The following ZNF628 variants were observed in gnomAD, a reference collection of about 807,000 sequenced individuals.
ZNF628 encodes the protein zinc finger protein 628, also known as zinc finger protein Zec.
ZNF628 carries 3 observed loss-of-function variants against 2.5 expected under a neutral mutation model. The observed-to-expected ratio is 1.19, with a 90% confidence interval of 0.54 to 3.07. The LOEUF is 3.07. Among genes scored for constraint, ZNF628 ranks in the 30% most tolerant of loss-of-function variants. ZNF628 has a pLI of 0.03. For synonymous variants in ZNF628, 861 were observed against 717.1 expected (o/e 1.20, Z -3.21); for missense variants, 1,610 against 1,517.1 (o/e 1.06, Z -1.02).
Position 55,483,078 on chromosome 19 carries a change from C to A in ZNF628, c.1885C>A (p.Arg629Ser). 2 of 1,609,182 alleles carry A rather than the reference C, an allele frequency of 1.2e-6. No homozygotes were observed. Among genetic ancestry groups the A allele is most frequent in the Non-Finnish European group, 1.7e-6 (2 of 1,179,340 alleles). ...CCCCTTCACCTGCCCCATCTGCGGT[C>A]GCGGCTTCGTTATGGCCGCCTATCT... ...ERPFTCPICGRGFVMAAYLQR... is the reference protein window; with the variant it reads ...ERPFTCPICGSGFVMAAYLQR... The change falls in exon 3 of 3, where the codon CGC (arginine) becomes AGC (serine). Residue 629 changes from arginine (R) to serine (S), a missense_variant. Physicochemically the swap from Arg to Ser is moderately radical, Grantham distance 110. Transcript: ENST00000598519.
rs1986854616 is a variant in ZNF628 at position 55,484,431 on chromosome 19, G to A, written c.*58G>A. The A allele has an allele frequency of 7.2e-7, 1 of 1,381,666 alleles. No individual in the cohort carries two copies. The highest frequency in any genetic ancestry group is 1.6e-5 in the South Asian group (1 of 63,314). 85.6% of individuals were successfully genotyped at this position (1,381,666 alleles called of 1,614,324 possible). A position where few individuals can be genotyped will look rare whatever the true frequency, so the allele number is the denominator to read the frequency against. Reference sequence around the variant, plus strand: ...AGAGACCCCGACTCACTGCCAGCCGGGGCGGGGCAGGGTGCCGCAGGCTGG... The same window carrying A: ...AGAGACCCCGACTCACTGCCAGCCGAGGCGGGGCAGGGTGCCGCAGGCTGG... On this transcript the variant is annotated 3_prime_UTR_variant, in exon 3 of 3. Transcript: ENST00000598519.
At chr19:55,478,318 G>A (rs1232033282) in intron 1 of ZNF628, among the ~76,000 whole-genome samples, 2 of 152,226 alleles carry the variant, frequency 1.3e-5, no homozygotes, top group African/African-American at 2.4e-5. Context: ...AAATAGGGCT[G>A]TCAGGGAAGC....
chr19:55,483,652 T>A lies in ZNF628; in HGVS notation c.2459T>A (p.Leu820His). The change falls in exon 3 of 3, where the codon CTC becomes CAC. Residue 820 changes from leucine (L) to histidine (H), a missense_variant. Leu to His is a moderately conservative substitution (Grantham distance 99). This residue lies in a region of ZNF628 where 712 missense variants were observed against 603.6 expected (regional missense o/e 1.18). Coordinates refer to ENST00000598519, the MANE Select transcript of ZNF628 (RefSeq NM_033113.3). The part of the protein sequence containing the change: ...AGPQEMSGVQ[L>H]QPLRPAPEVT... ...CCACAGGAAATGAGTGGGGTGCAGCTCCAGCCCCTCCGACCAGCCCCAGAA... is the reference window on the plus strand; with the variant it reads ...CCACAGGAAATGAGTGGGGTGCAGCACCAGCCCCTCCGACCAGCCCCAGAA... 6.2e-7 allele frequency: 1 copy of A among 1,613,476 alleles called. No individual in the cohort carries two copies. Among genetic ancestry groups the A allele is most frequent in the Non-Finnish European group, 8.5e-7 (1 of 1,179,792 alleles).
chr19:55,483,406 C>T lies in ZNF628; in HGVS notation c.2213C>T (p.Ala738Val). 6.5e-7 allele frequency: 1 copy of T among 1,530,802 alleles called. No homozygotes were observed. Among genetic ancestry groups the T allele is most frequent in the African/African-American group, 1.4e-5 (1 of 72,966 alleles). The allele number at this position is 1,530,802 out of a possible 1,614,324, so 94.8% of individuals were successfully genotyped here. A position where few individuals can be genotyped will look rare whatever the true frequency, so the allele number is the denominator to read the frequency against. ...CCCCCTACACCTCCGCCCCCTCCCG[C>T]ACCTCCCAAGCTCATCCTGCTGCCC... is the stretch of plus-strand genomic sequence containing the variant. The part of the protein sequence containing the change: ...VQPPTPPPPP[A>V]PPKLILLPSS... Residue 738 changes from alanine to valine, a missense_variant, in exon 3 of 3, where the codon GCA becomes GTA. By Grantham distance (64) the Ala-to-Val change is moderately conservative (BLOSUM62 0). Transcript: ENST00000598519.
chr19:55,482,117 G>T lies in ZNF628; in HGVS notation c.924G>T (p.Glu308Asp). The change falls in exon 3 of 3, where the codon GAG (glutamate) becomes GAT (aspartate). Residue 308 changes from glutamate to aspartate, a missense_variant. Transcript: ENST00000598519. Reference protein sequence around the residue: ...DGCEQGFSSEELLLEHQPCPG... With the variant: ...DGCEQGFSSEDLLLEHQPCPG... The stretch of plus-strand genomic sequence containing the variant: ...GCGAGCAGGGATTCAGCAGCGAGGA[G>T]CTGCTCCTGGAGCACCAGCCGTGCC... 1 of 1,508,512 alleles carries T rather than the reference G, an allele frequency of 6.6e-7. No individual in the cohort carries two copies. Among genetic ancestry groups the T allele is most frequent in the Non-Finnish European group, 8.8e-7 (1 of 1,130,914 alleles). The allele number at this position is 1,508,512 out of a possible 1,614,324, so 93.4% of individuals were successfully genotyped here. A position where few individuals can be genotyped will look rare whatever the true frequency, so the allele number is the denominator to read the frequency against.
In ZNF628 at chr19:55,482,819, G is replaced by T; in HGVS notation, c.1626G>T (p.Glu542Asp). The T allele has an allele frequency of 6.2e-7, 1 of 1,610,978 alleles. No individual in the cohort carries two copies. Among genetic ancestry groups the T allele is most frequent in the Non-Finnish European group, 8.5e-7 (1 of 1,178,520 alleles). ...GCGAGCGGCCCTACGCCTGCGGGGA[G>T]TGTGGCAAGGCCTTCCGCAACACGT... ...HSGERPYACG[E>D]CGKAFRNTSC... The change falls in exon 3 of 3, where the codon GAG becomes GAT. Residue 542 changes from glutamate to aspartate, a missense_variant. Glu to Asp is a conservative substitution (Grantham distance 45). Around this residue, in one of 5 missense-constraint regions of ZNF628, gnomAD observed 651 missense variants for 575.6 expected, o/e 1.13. Coordinates refer to ENST00000598519, the MANE Select transcript of ZNF628 (RefSeq NM_033113.3).
Position 55,482,232 on chromosome 19 carries a change from C to A in ZNF628, c.1039C>A (p.Pro347Thr), listed in dbSNP as rs1986737211. The A allele has an allele frequency of 6.9e-7, 1 of 1,447,330 alleles. No individual in the cohort carries two copies. The highest frequency in any genetic ancestry group is 3.0e-5 in the East Asian group (1 of 33,060). The allele number at this position is 1,447,330 out of a possible 1,614,324, so 89.7% of individuals were successfully genotyped here. A position where few individuals can be genotyped will look rare whatever the true frequency, so the allele number is the denominator to read the frequency against. The change falls in exon 3 of 3, where the codon CCT becomes ACT. Residue 347 changes from proline (P) to threonine (T), a missense_variant. This residue lies in a region of ZNF628 where 651 missense variants were observed against 575.6 expected (regional missense o/e 1.13). Transcript: ENST00000598519. ...ACCGTCCCCTCTGCCGCAGCCCCCT[C>A]CTCCCGCCGCCGCCCCCGCGCCTGG... ...QPPSPLPQPP[P>T]PAAAPAPGFA...
intron 1 of ZNF628, among the ~76,000 whole-genome samples, chr19:55,477,092 C>T (rs537772700): frequency 6.6e-6 from 1 of 152,200 alleles, no homozygotes; most frequent in African/African-American, 2.4e-5. Context: ...GACCGTTTCC[C>T]AGACATTGAA....
In ZNF628 at chr19:55,483,979, C is replaced by A; in HGVS notation, c.2786C>A (p.Thr929Lys). 1 of 1,576,532 alleles carries A rather than the reference C, an allele frequency of 6.3e-7. No individual in the cohort carries two copies. Among genetic ancestry groups the A allele is most frequent in the Non-Finnish European group, 8.6e-7 (1 of 1,159,258 alleles). Residue 929 changes from threonine (T) to lysine (K), a missense_variant, in exon 3 of 3, where the codon ACG becomes AAG. By Grantham distance (78) the Thr-to-Lys change is moderately conservative (BLOSUM62 -1). Around this residue, in one of 5 missense-constraint regions of ZNF628, gnomAD observed 712 missense variants for 603.6 expected, o/e 1.18. Coordinates refer to ENST00000598519, the MANE Select transcript of ZNF628 (RefSeq NM_033113.3). ...VQDVLFETLQ[T>K]DEGLQSVLVL... ...GATGTCCTCTTTGAGACACTCCAGA[C>A]GGACGAGGGCTTGCAGAGCGTGCTG...
Position 55,479,494 on chromosome 19 carries a change from T to C in ZNF628, c.-77-340T>C, listed in dbSNP as rs2123408947. Among the ~76,000 whole-genome samples the C allele has an allele frequency of 6.6e-6, 1 of 152,000 alleles. No individual in the cohort carries two copies. The highest frequency in any genetic ancestry group is 2.1e-4 in the South Asian group (1 of 4,810). ...GGAACGTCCAGGAGAGGAGGAAAAG[T>C]GGAGGATGTGGGTGGGAAGGCACAG... is the stretch of plus-strand genomic sequence containing the variant. On this transcript the variant is annotated intron_variant, in intron 1 of 2. Transcript: ENST00000598519. The surrounding 1 kb of genome is among the most constrained non-coding windows in gnomAD (Gnocchi z 5.1).
Position 55,479,328 on chromosome 19 carries a change from C to T in ZNF628, c.-77-506C>T, listed in dbSNP as rs930296002. ...ACCCGCGTGGGACTGAAGGGGTTTG[C>T]GCTGGGAAAGAGCGGGCTGACACTT... On this transcript the variant is annotated intron_variant, in intron 1 of 2. Coordinates refer to ENST00000598519, the MANE Select transcript of ZNF628 (RefSeq NM_033113.3). The surrounding 1 kb of genome is among the most constrained non-coding windows in gnomAD (Gnocchi z 5.1). Among the ~76,000 whole-genome samples the T allele has an allele frequency of 5.9e-5, 9 of 152,176 alleles. No individual in the cohort carries two copies. Among genetic ancestry groups the T allele is most frequent in the African/African-American group, 1.2e-4 (5 of 41,444 alleles).
intron 2 of ZNF628, among the ~76,000 whole-genome samples, chr19:55,480,746 A>G (rs1986678171): frequency 6.6e-6 from 1 of 152,204 alleles, no homozygotes; most frequent in Non-Finnish European, 1.5e-5. Context: ...AGTTAAAATG[A>G]AAAGGCTTAG....
chr19:55,481,642 G>T lies in ZNF628; in HGVS notation c.449G>T (p.Cys150Phe). 6.2e-7 allele frequency: 1 copy of T among 1,609,692 alleles called. No homozygotes were observed. ...RQHTGERPYP[C>F]PDCPKAFKNS... ...CACACAGGCGAGCGCCCCTACCCGTGCCCGGACTGCCCCAAGGCCTTCAAG... is the reference window on the plus strand; with the variant it reads ...CACACAGGCGAGCGCCCCTACCCGTTCCCGGACTGCCCCAAGGCCTTCAAG... The change falls in exon 3 of 3, where the codon TGC becomes TTC. Residue 150 changes from cysteine to phenylalanine, a missense_variant. Transcript: ENST00000598519.
chr19:55,482,266 G>A lies in ZNF628; in HGVS notation c.1073G>A (p.Cys358Tyr). 1 of 1,468,298 alleles carries A rather than the reference G, an allele frequency of 6.8e-7. No individual in the cohort carries two copies. The highest frequency in any genetic ancestry group is 3.0e-5 in the East Asian group (1 of 33,556). 91.0% of individuals were successfully genotyped at this position (1,468,298 alleles called of 1,614,324 possible). A position where few individuals can be genotyped will look rare whatever the true frequency, so the allele number is the denominator to read the frequency against. The change falls in exon 3 of 3, where the codon TGT becomes TAT. Residue 358 changes from cysteine (C) to tyrosine (Y), a missense_variant. Around this residue, in one of 5 missense-constraint regions of ZNF628, gnomAD observed 651 missense variants for 575.6 expected, o/e 1.13. Coordinates refer to ENST00000598519, the MANE Select transcript of ZNF628 (RefSeq NM_033113.3). ...GCCGCCCCCGCGCCTGGCTTTGCCT[G>A]TCTGCCCTGCGGCAAGTCCTTCCGG... ...PAAAPAPGFACLPCGKSFRTV... is the reference protein window; with the variant it reads ...PAAAPAPGFAYLPCGKSFRTV...
At position 55,482,729 on chromosome 19, in the gene ZNF628, T is replaced by C. The variant is rs1230159262; in HGVS notation, c.1536T>C (p.Cys512=). ...RVHTGLRAFT[C]GQCGLTFKWS... is the part of the protein sequence containing the mutation. ...ACACGGGCCTGCGGGCCTTCACCTGTGGCCAGTGCGGCCTCACCTTCAAGT... is the reference window on the plus strand; with the variant it reads ...ACACGGGCCTGCGGGCCTTCACCTGCGGCCAGTGCGGCCTCACCTTCAAGT... The change falls in exon 3 of 3, where the codon TGT becomes TGC. Residue 512 remains cysteine, a synonymous_variant. Coordinates refer to ENST00000598519, the MANE Select transcript of ZNF628 (RefSeq NM_033113.3). 5 of 1,609,406 alleles carry C rather than the reference T, an allele frequency of 3.1e-6. No individual in the cohort carries two copies. Among genetic ancestry groups the C allele is most frequent in the Non-Finnish European group, 4.2e-6 (5 of 1,178,564 alleles).
rs867902422 is a variant in ZNF628 at position 55,484,467 on chromosome 19, A to G, written c.*94A>G. The G allele has an allele frequency of 8.7e-7, 1 of 1,150,502 alleles. No homozygotes were observed. Among genetic ancestry groups the G allele is most frequent in the Non-Finnish European group, 1.2e-6 (1 of 849,696 alleles). The allele number at this position is 1,150,502 out of a possible 1,614,324, so 71.3% of individuals were successfully genotyped here. A position where few individuals can be genotyped will look rare whatever the true frequency, so the allele number is the denominator to read the frequency against. ...GGTGCCGCAGGCTGGGCTTGCTAAT[A>G]AAGACCCGAGTCTCCCCGCCTGTGT... On this transcript the variant is annotated 3_prime_UTR_variant, in exon 3 of 3. Transcript: ENST00000598519.
In ZNF628 at chr19:55,482,393, C is replaced by T; in HGVS notation, c.1200C>T (p.Ser400=). The change falls in exon 3 of 3, where the codon AGC becomes AGT. Residue 400 remains serine (S), a synonymous_variant. Coordinates refer to ENST00000598519, the MANE Select transcript of ZNF628 (RefSeq NM_033113.3). ...ACGGCTCCTTCCCGCAGCTGGCCAG[C>T]CTCCTGGCGCATCAGCAGTGCCACG... The part of the protein sequence containing the change: ...SCDGSFPQLA[S]LLAHQQCHVE... 7.1e-7 allele frequency: 1 copy of T among 1,409,528 alleles called. No individual in the cohort carries two copies. Among genetic ancestry groups the T allele is most frequent in the East Asian group, 3.1e-5 (1 of 32,152 alleles). 87.3% of individuals were successfully genotyped at this position (1,409,528 alleles called of 1,614,324 possible).
chr19:55,478,697 C>G (rs1425263486), intron 1 of ZNF628, among the ~76,000 whole-genome samples: 1 of 152,162 alleles, frequency 6.6e-6, no homozygotes, highest in Admixed American at 6.5e-5. Flanking sequence ...TTGCAGCTGC[C>G]TGGGAGAGAG....
chr19:55,481,202 T>C lies in ZNF628; in HGVS notation c.9T>C (p.Gly3=). 2 of 1,536,794 alleles carry C rather than the reference T, an allele frequency of 1.3e-6. No individual in the cohort carries two copies. Among genetic ancestry groups the C allele is most frequent in the South Asian group, 2.4e-5 (2 of 82,352 alleles). MS[G]VMVGSHADMA... is the part of the protein sequence containing the mutation. ...GCTGACCCAGAATCCCTCCCCCAGG[T>C]GTGATGGTCGGCTCCCACGCGGACA... The change falls in exon 3 of 3, where the codon GGT becomes GGC. Residue 3 remains glycine, a splice_region_variant and synonymous_variant. Coordinates refer to ENST00000598519, the MANE Select transcript of ZNF628 (RefSeq NM_033113.3).
Sources: allele counts gnomAD v4.1 joint callset (sites outside exome capture counted in the v4.1 genomes callset), GRCh38; gene constraint gnomAD v4.1.1; regional missense constraint gnomAD v4.1.1; non-coding constraint Gnocchi (gnomAD v3.1); transcripts MANE v1.5; gene names NCBI Gene and HGNC (gene_info 2026-07-23, HGNC 2026-07-21).